The following TUNAR variants were observed in gnomAD, a reference collection of about 807,000 sequenced individuals.
TUNAR encodes the protein transmembrane neural differentiation associated intracellular calcium regulator.
intron 2 of TUNAR, among the ~76,000 whole-genome samples, chr14:95,912,825 C>T (rs933646152): frequency 7.2e-5 from 11 of 151,960 alleles, no homozygotes; most frequent in African/African-American, 2.2e-4. Flanking sequence ...GAGTCTCGCT[C>T]TGTCGCCCAG....
At chr14:95,890,895 A>T (rs1404397300) in intron 2 of TUNAR, among the ~76,000 whole-genome samples, 16 of 152,368 alleles carry the variant, frequency 1.1e-4, no homozygotes, top group Non-Finnish European at 5.9e-5. Context: ...GACTTTGGTC[A>T]CAGAGCTGAA....
chr14:95,888,564 G>A (rs553802616), intron 2 of TUNAR, among the ~76,000 whole-genome samples: 5 of 152,156 alleles, frequency 3.3e-5, no homozygotes, highest in Non-Finnish European at 7.4e-5. Flanking sequence ...GCCTGAGGGT[G>A]GGAGTGGGGA....
rs1393873029 is a variant in TUNAR, at chr14:95,895,883, G to C, written c.12+18706G>C. 1 of 152,234 alleles carries C rather than the reference G, an allele frequency of 6.6e-6. No individual in the cohort carries two copies. The highest frequency in any genetic ancestry group is 1.9e-4 in the East Asian group (1 of 5,182). 9.4% of individuals were successfully genotyped at this position (152,234 alleles called of 1,614,324 possible). ...CAGGCTGTTGCTCCGGTGTCTCTGGGCTGCTCCACCACGTGGTGCCTGCCC... is the reference window on the plus strand; with the variant it reads ...CAGGCTGTTGCTCCGGTGTCTCTGGCCTGCTCCACCACGTGGTGCCTGCCC... On this transcript the variant is annotated intron_variant, in intron 2 of 2. Transcript: ENST00000678517. This position sits in a 1 kb window ranked among gnomAD's most constrained non-coding sequence, Gnocchi z 4.5.
intron 2 of TUNAR, among the ~76,000 whole-genome samples, chr14:95,883,590 A>G (rs1291094481): frequency 6.6e-6 from 1 of 152,094 alleles, no homozygotes; most frequent in East Asian, 1.9e-4. Context: ...TGCCCTTTTT[A>G]AGGGGTCTGT....
chr14:95,902,767 T>G (rs1488766207), intron 2 of TUNAR, among the ~76,000 whole-genome samples: 1 of 152,190 alleles, frequency 6.6e-6, no homozygotes, highest in South Asian at 2.1e-4. Flanking sequence ...GGACAAAGAC[T>G]AGAGACGGTG....
chr14:95,902,423 G>GA (rs1188231106), intron 2 of TUNAR, among the ~76,000 whole-genome samples: 2 of 152,102 alleles, frequency 1.3e-5, no homozygotes, highest in East Asian at 1.9e-4. Flanking sequence ...AGTCATGTTG[G>GA]AAAAAAATCA....
At chr14:95,913,278 G>T (rs571157171) in intron 2 of TUNAR, among the ~76,000 whole-genome samples, 1 of 151,700 alleles carries the variant, frequency 6.6e-6, no homozygotes, top group Non-Finnish European at 1.5e-5. Context: ...TTTAAGCCCC[G>T]CATGCATTGG....
At chr14:95,924,467 C>T (rs749530334) in exon 3 of TUNAR, 1 of 152,266 alleles carries the variant, frequency 6.6e-6, no homozygotes, top group African/African-American at 2.4e-5. Context: ...TTCCTTCTGC[C>T]ATTGCCAGCT....
chr14:95,902,841 T>C (rs987116116), intron 2 of TUNAR, among the ~76,000 whole-genome samples: 6 of 152,212 alleles, frequency 3.9e-5, no homozygotes, highest in Non-Finnish European at 2.9e-5. Flanking sequence ...CTTGTATTTC[T>C]GAGCCTATCA....
At chr14:95,881,499 C>T (rs1888977072) in intron 2 of TUNAR, among the ~76,000 whole-genome samples, 1 of 152,240 alleles carries the variant, frequency 6.6e-6, no homozygotes, top group Admixed American at 6.5e-5. Context: ...TGTTTCTCCT[C>T]CTCCAGGATG....
At chr14:95,915,719 G>A (rs767315534) in intron 2 of TUNAR, among the ~76,000 whole-genome samples, 40 of 152,256 alleles carry the variant, frequency 2.6e-4, no homozygotes, top group African/African-American at 3.4e-4. Flanking sequence ...CACACACGGC[G>A]CTGTGTCACT....
chr14:95,882,580 A>G (rs1248098026), intron 2 of TUNAR, among the ~76,000 whole-genome samples: 1 of 152,194 alleles, frequency 6.6e-6, no homozygotes, highest in African/African-American at 2.4e-5. Context: ...GCTAGGCTAA[A>G]TGCCTTGGCA....
At chr14:95,897,224 C>G (rs572529620) in intron 2 of TUNAR, among the ~76,000 whole-genome samples, 1 of 152,192 alleles carries the variant, frequency 6.6e-6, no homozygotes, top group Admixed American at 6.5e-5. Context: ...TGCATCCAGA[C>G]AGTGCATTGA....
intron 2 of TUNAR, among the ~76,000 whole-genome samples, chr14:95,896,307 G>A (rs2096897910): frequency 2.0e-5 from 3 of 152,314 alleles, no homozygotes; most frequent in Admixed American, 6.5e-5. Context: ...CAGTGTTCAA[G>A]CTCAATGGGG....
At chr14:95,920,404 T>G (rs1489968066) in intron 2 of TUNAR, among the ~76,000 whole-genome samples, 1 of 152,122 alleles carries the variant, frequency 6.6e-6, no homozygotes, top group Non-Finnish European at 1.5e-5. Context: ...TATACATCAT[T>G]AAAAGTATAC....
At chr14:95,908,975 C>T (rs777942325) in intron 2 of TUNAR, among the ~76,000 whole-genome samples, 5 of 152,180 alleles carry the variant, frequency 3.3e-5, no homozygotes, top group Non-Finnish European at 5.9e-5. Context: ...GGCTGGAGGT[C>T]TGCACCACAG....
intron 2 of TUNAR, among the ~76,000 whole-genome samples, chr14:95,878,135 G>T (rs1221818058): frequency 6.6e-6 from 1 of 152,174 alleles, no homozygotes; most frequent in Admixed American, 6.5e-5. Context: ...GCCCAGTGTT[G>T]GCTCATATTT....
intron 2 of TUNAR, among the ~76,000 whole-genome samples, chr14:95,878,532 AC>A (rs1438862109): frequency 6.7e-6 from 1 of 150,150 alleles, no homozygotes; most frequent in East Asian, 2.0e-4. Flanking sequence ...AGCCCTTCAG[AC>A]CCCCTTCAGC....
At chr14:95,898,729 A>G (rs1219421450) in intron 2 of TUNAR, among the ~76,000 whole-genome samples, 1 of 152,020 alleles carries the variant, frequency 6.6e-6, no homozygotes, top group Non-Finnish European at 1.5e-5. Context: ...TTCGTTTTAT[A>G]GCTACTAGTA....
Sources: gnomAD v4.1 joint callset for allele counts (sites outside exome capture counted in the v4.1 genomes callset) on GRCh38, gnomAD v4.1.1 for gene constraint, Gnocchi (gnomAD v3.1) non-coding constraint, MANE v1.5 for transcripts, NCBI Gene and HGNC (gene_info 2026-07-23, HGNC 2026-07-21) for gene names.